SGCZ: variants seen among roughly 807,000 people sequenced by gnomAD.
The protein encoded by SGCZ is sarcoglycan zeta.
SGCZ carries 40 observed loss-of-function variants against 41.3 expected under a neutral mutation model. That is an observed-to-expected ratio of 0.97 (90% CI 0.75 to 1.26). The LOEUF is 1.26. SGCZ is among the 50% of genes most tolerant of loss of function. SGCZ has a pLI of 0.00. For synonymous variants in SGCZ, 206 were observed against 137.5 expected (o/e 1.50, Z -3.49); for missense variants, 552 against 369.8 (o/e 1.49, Z -4.04).
At chr8:14,405,731 T>C (rs1035626923) in intron 2 of SGCZ, among the ~76,000 whole-genome samples, 5 of 152,224 alleles carry the variant, frequency 3.3e-5, no homozygotes, top group Non-Finnish European at 5.9e-5. Context: ...AATTATATTG[T>C]ACTACACAGC....
intron 5 of SGCZ, among the ~76,000 whole-genome samples, chr8:14,126,897 A>G (rs1476831603): frequency 1.3e-5 from 2 of 151,944 alleles, no homozygotes; most frequent in East Asian, 1.9e-4. Context: ...CAAACACCAC[A>G]TGTTCTCATT....
At chr8:14,332,259 C>A (rs191397463) in intron 2 of SGCZ, among the ~76,000 whole-genome samples, 1 of 152,022 alleles carries the variant, frequency 6.6e-6, no homozygotes, top group Admixed American at 6.5e-5. Context: ...CACGGTGAAA[C>A]CCCGTCTCTA....
intron 3 of SGCZ, among the ~76,000 whole-genome samples, chr8:14,268,864 T>C (rs181640313): frequency 3.9e-5 from 6 of 152,006 alleles, no homozygotes; most frequent in African/African-American, 1.2e-4. Flanking sequence ...TTAGAATGTA[T>C]CTTGACTATA....
At chr8:14,936,537 A>C (rs986143595) in intron 1 of SGCZ, among the ~76,000 whole-genome samples, 4 of 151,932 alleles carry the variant, frequency 2.6e-5, no homozygotes, top group African/African-American at 9.7e-5. Flanking sequence ...CTTTTGCACC[A>C]CCATGAAGTC....
chr8:14,254,991 T>G (rs781661598), intron 3 of SGCZ, among the ~76,000 whole-genome samples: 1 of 152,188 alleles, frequency 6.6e-6, no homozygotes, highest in Non-Finnish European at 1.5e-5. Flanking sequence ...TGCTTTTCTA[T>G]TATTTCTCCA....
At chr8:14,309,088 T>C (rs112472665) in intron 3 of SGCZ, 1 of 1,435,180 alleles carries the variant, frequency 7.0e-7, no homozygotes, top group Non-Finnish European at 9.7e-7. Flanking sequence ...AAACGGAATC[T>C]CATCAGGAGG....
intron 2 of SGCZ, among the ~76,000 whole-genome samples, chr8:14,430,950 G>A (rs1487032177): frequency 6.6e-6 from 1 of 151,916 alleles, no homozygotes; most frequent in Non-Finnish European, 1.5e-5. Context: ...TACAACAGCT[G>A]CAAAAAATTA....
At chr8:14,628,443 A>G (rs1806535644) in intron 1 of SGCZ, among the ~76,000 whole-genome samples, 1 of 152,092 alleles carries the variant, frequency 6.6e-6, no homozygotes, top group African/African-American at 2.4e-5. Context: ...AGCTTCTTAG[A>G]AATAGAAGCT....
chr8:14,555,677 T>C (rs1804013516), intron 1 of SGCZ, among the ~76,000 whole-genome samples: 1 of 152,074 alleles, frequency 6.6e-6, no homozygotes, highest in Admixed American at 6.6e-5. Flanking sequence ...ATGATTTACC[T>C]GTTCTTTGCA....
intron 1 of SGCZ, among the ~76,000 whole-genome samples, chr8:15,182,955 T>C (rs1800221954): frequency 6.6e-6 from 1 of 152,228 alleles, no homozygotes; most frequent in African/African-American, 2.4e-5. Flanking sequence ...TAAACTTTTT[T>C]GTGAAAAACA....
chr8:14,246,147 T>C (rs557843120), intron 3 of SGCZ, among the ~76,000 whole-genome samples: 172 of 152,282 alleles, frequency 1.1e-3, no homozygotes, highest in African/African-American at 3.7e-3. Flanking sequence ...CACATGCACA[T>C]GTATGTTTAT....
intron 1 of SGCZ, among the ~76,000 whole-genome samples, chr8:14,739,497 A>G (rs1173843965): frequency 2.0e-5 from 3 of 152,076 alleles, no homozygotes; most frequent in African/African-American, 7.2e-5. Context: ...TAGAGTTTAC[A>G]TATTCTGTCT....
chr8:15,048,565 G>A (rs766568266), intron 1 of SGCZ, among the ~76,000 whole-genome samples: 4 of 151,968 alleles, frequency 2.6e-5, no homozygotes, highest in Non-Finnish European at 5.9e-5. Context: ...TACACATTGT[G>A]TACATGTATC....
intron 1 of SGCZ, among the ~76,000 whole-genome samples, chr8:14,573,316 G>C (rs1030218698): frequency 6.8e-6 from 1 of 147,672 alleles, no homozygotes; most frequent in South Asian, 2.2e-4. Flanking sequence ...TCCGGCCTCA[G>C]CCTCCGGAGT....
Position 14,673,523 on chromosome 8 carries a change from G to A in SGCZ, c.40-118597C>T, listed in dbSNP as rs796419980. 9.9e-5 allele frequency among the ~76,000 whole-genome samples: 15 copies of A among 151,472 alleles called. 1 individual carries two copies. Among genetic ancestry groups the A allele is most frequent in the African/African-American group, 3.6e-4 (15 of 41,262 alleles). On this transcript the variant is annotated intron_variant, in intron 1 of 7. Transcript: ENST00000382080. ...AGGTGCCTGCTTCCCCTTTGCCTTCGCCATGATTGTAAGTTTCCTGAGGCC... is the reference window on the plus strand; with the variant it reads ...AGGTGCCTGCTTCCCCTTTGCCTTCACCATGATTGTAAGTTTCCTGAGGCC...
At chr8:14,803,711 C>T (rs1801420480) in intron 1 of SGCZ, among the ~76,000 whole-genome samples, 1 of 151,506 alleles carries the variant, frequency 6.6e-6, no homozygotes, top group Non-Finnish European at 1.5e-5. Flanking sequence ...GAAGCTCAAA[C>T]TGGGTGGAGC....
At chr8:14,813,394 C>G (rs1174540211) in intron 1 of SGCZ, among the ~76,000 whole-genome samples, 42 of 152,114 alleles carry the variant, frequency 2.8e-4, no homozygotes, top group Admixed American at 2.6e-3. Context: ...CAACCAAAAG[C>G]TTATGGAAGA....
intron 1 of SGCZ, among the ~76,000 whole-genome samples, chr8:15,091,800 T>A (rs1462390630): frequency 2.0e-5 from 3 of 152,316 alleles, no homozygotes; most frequent in African/African-American, 7.2e-5. Flanking sequence ...TCAACCAGGC[T>A]GGAGTGCAGT....
chr8:14,655,597 G>C (rs1016273605), intron 1 of SGCZ, among the ~76,000 whole-genome samples: 3 of 152,026 alleles, frequency 2.0e-5, no homozygotes, highest in Non-Finnish European at 4.4e-5. Context: ...GTAGTTGTAA[G>C]AAATAATATA....
Sources: allele counts gnomAD v4.1 joint callset (sites outside exome capture counted in the v4.1 genomes callset), GRCh38; gene constraint gnomAD v4.1.1; transcripts MANE v1.5; gene names NCBI Gene and HGNC (gene_info 2026-07-23, HGNC 2026-07-21).